Variants in JPH1 observed in about 807,000 individuals in gnomAD.
JPH1 encodes the protein junctophilin 1.
Under a neutral mutation model 53.6 loss-of-function variants are expected in JPH1, and 12 were observed. The observed-to-expected ratio is 0.22, with a 90% CI of 0.14 to 0.36. The LOEUF is 0.36. JPH1 is among the 10% of genes least tolerant of loss of function. The pLI is 1.00. For synonymous variants in JPH1, 375 were observed against 363.8 expected, an observed-to-expected ratio of 1.03 and a Z score of -0.35; for missense variants, 808 against 905.5, an observed-to-expected ratio of 0.89 and a Z score of 1.38.
chr8:74,243,576 G>T (rs944895604), intron 4 of JPH1, among the ~76,000 whole-genome samples: 2 of 152,100 alleles, frequency 1.3e-5, no homozygotes, highest in Non-Finnish European at 2.9e-5. Context: ...ATTCTTGTTG[G>T]CCAAGATATT....
chr8:74,291,173 C>A (rs151211979), intron 2 of JPH1, among the ~76,000 whole-genome samples: 40,759 of 151,944 alleles, frequency 0.27, 5,551 homozygotes, highest in Middle Eastern at 0.31. Context: ...GCAAAAGAAA[C>A]TACCATCAGA....
chr8:74,305,802 C>G (rs962135652), intron 2 of JPH1, among the ~76,000 whole-genome samples: 8 of 152,196 alleles, frequency 5.3e-5, no homozygotes, highest in Admixed American at 4.6e-4. Context: ...CTACACAATT[C>G]AAGTTTTTAA....
chr8:74,250,422 T>C (rs915542041), intron 3 of JPH1, among the ~76,000 whole-genome samples: 1 of 152,316 alleles, frequency 6.6e-6, no homozygotes, highest in South Asian at 2.1e-4. Context: ...CATGAGCCAC[T>C]GTGCCTAGCC....
At chr8:74,300,692 C>A (rs923642973) in intron 2 of JPH1, among the ~76,000 whole-genome samples, 2 of 152,140 alleles carry the variant, frequency 1.3e-5, no homozygotes, top group Non-Finnish European at 2.9e-5. Context: ...TGTTGTCTCA[C>A]TACATTTACT....
At chr8:74,288,258 G>C (rs866873817) in intron 2 of JPH1, among the ~76,000 whole-genome samples, 9 of 152,308 alleles carry the variant, frequency 5.9e-5, no homozygotes, top group Admixed American at 1.3e-4. Context: ...TCCGTGGGTT[G>C]CTAAGCCTCT....
At chr8:74,317,637 G>A (rs1808201290) in intron 1 of JPH1, among the ~76,000 whole-genome samples, 1 of 152,036 alleles carries the variant, frequency 6.6e-6, no homozygotes, top group South Asian at 2.1e-4. Flanking sequence ...ATATTTTGTT[G>A]GTTAAAAGAA....
rs374064270 is a variant in JPH1 at position 74,235,057 on chromosome 8, G to A, written c.*1994C>T. The A allele has an allele frequency of 6.6e-6, 1 of 152,258 alleles. No individual in the cohort carries two copies. Among genetic ancestry groups the A allele is most frequent in the East Asian group, 1.9e-4 (1 of 5,194 alleles). 9.4% of individuals were successfully genotyped at this position (152,258 alleles called of 1,614,324 possible). On this transcript the variant is annotated 3_prime_UTR_variant, in exon 6 of 6. Coordinates refer to ENST00000342232, the MANE Select transcript of JPH1 (RefSeq NM_020647.4). ...GCTCACTTTATAAACATATCCTCTC[G>A]CTATCTGTTACCCATTATTTCCAAA...
intron 2 of JPH1, among the ~76,000 whole-genome samples, chr8:74,299,315 A>G (rs1449650022): frequency 1.3e-5 from 2 of 152,054 alleles, no homozygotes; most frequent in Non-Finnish European, 2.9e-5. Flanking sequence ...TAGGGTGTTA[A>G]GTGTAGCCTA....
intron 1 of JPH1, among the ~76,000 whole-genome samples, chr8:74,316,230 A>G (rs1808153115): frequency 1.3e-5 from 2 of 152,144 alleles, no homozygotes; most frequent in Non-Finnish European, 2.9e-5. Flanking sequence ...ATTTGGGTGA[A>G]CCTTTTTGAG....
In JPH1 at chr8:74,276,572, C is replaced by T. The variant is rs75518829; in HGVS notation, c.1140-17069G>A. ...CAATAATGATAATTACTGTTAACACCGAGTGCTTATTATATGCCAGGTTTA... is the reference window on the plus strand; with the variant it reads ...CAATAATGATAATTACTGTTAACACTGAGTGCTTATTATATGCCAGGTTTA... On this transcript the variant is annotated intron_variant, in intron 2 of 5. Coordinates refer to ENST00000342232, the MANE Select transcript of JPH1 (RefSeq NM_020647.4). Among the ~76,000 whole-genome samples, 946 of 152,224 alleles carry T rather than the reference C, an allele frequency of 6.2e-3. 16 individuals carry two copies. Among genetic ancestry groups the T allele is most frequent in the East Asian group, 0.036 (187 of 5,186 alleles).
At position 74,320,995 on chromosome 8, in the gene JPH1, T is replaced by C; in HGVS notation, c.293A>G (p.Gln98Arg). The change falls in exon 1 of 6, where the codon CAG becomes CGG. Residue 98 changes from glutamine to arginine, a missense_variant. This residue lies in a region of JPH1 where 756 missense variants were observed against 811.9 expected (regional missense o/e 0.93). Coordinates refer to ENST00000342232, the MANE Select transcript of JPH1 (RefSeq NM_020647.4). The surrounding 1 kb of genome is among the most constrained non-coding windows in gnomAD (Gnocchi z 4.4). The part of the protein sequence containing the change: ...HGFKGRYGVR[Q>R]SLCTPARYEG... ...GTAGCGAGCGGGGGTGCACAGGCTC[T>C]GCCGGACCCCGTAGCGCCCCTTGAA... 1 of 1,612,900 alleles carries C rather than the reference T, an allele frequency of 6.2e-7. No individual in the cohort carries two copies. Among genetic ancestry groups the C allele is most frequent in the Non-Finnish European group, 8.5e-7 (1 of 1,179,548 alleles).
Position 74,245,306 on chromosome 8 carries a change from T to A in JPH1, c.1259-131A>T, listed in dbSNP as rs1305210891. ...GGCTTTGACTAAACACATATTTCAT[T>A]CTCTGGGGAAAAGTTTATTTATTAT... On this transcript the variant is annotated intron_variant, in intron 3 of 5. Coordinates refer to ENST00000342232, the MANE Select transcript of JPH1 (RefSeq NM_020647.4). 7.8e-6 allele frequency: 6 copies of A among 767,608 alleles called. No individual in the cohort carries two copies. In the Admixed American group the frequency reaches 2.2e-4, roughly 28 times the overall value. 47.5% of individuals were successfully genotyped at this position (767,608 alleles called of 1,614,324 possible).
At chr8:74,290,225 A>G (rs912273204) in intron 2 of JPH1, among the ~76,000 whole-genome samples, 3 of 152,206 alleles carry the variant, frequency 2.0e-5, no homozygotes, top group Non-Finnish European at 4.4e-5. Context: ...ATGATTGTAT[A>G]TTTAGAAAAC....
At chr8:74,311,538 ATACTTT>A (rs775759560) in intron 2 of JPH1, among the ~76,000 whole-genome samples, 11 of 152,006 alleles carry the variant, frequency 7.2e-5, no homozygotes, top group Non-Finnish European at 1.5e-4. Context: ...TATTATTATT[ATACTTT>A]AAGTTTTAGG....
chr8:74,263,237 G>A (rs1292752853), intron 2 of JPH1, among the ~76,000 whole-genome samples: 1 of 152,120 alleles, frequency 6.6e-6, no homozygotes, highest in Non-Finnish European at 1.5e-5. Context: ...TAAAGGTGAA[G>A]CGCTATTTCT....
chr8:74,277,345 A>C (rs1274764079), intron 2 of JPH1, among the ~76,000 whole-genome samples: 1 of 152,196 alleles, frequency 6.6e-6, no homozygotes, highest in Non-Finnish European at 1.5e-5. Context: ...CGGCTACCTC[A>C]ATCTACAGCA....
At chr8:74,306,261 C>T (rs557624899) in intron 2 of JPH1, among the ~76,000 whole-genome samples, 1 of 152,128 alleles carries the variant, frequency 6.6e-6, no homozygotes. Context: ...AGAGCTGGCA[C>T]CTAGGTCATC....
intron 2 of JPH1, among the ~76,000 whole-genome samples, chr8:74,295,856 A>G (rs752109800): frequency 1.6e-4 from 24 of 152,150 alleles, no homozygotes. Flanking sequence ...GAAAACCTCC[A>G]AAACTGCAAC....
chr8:74,300,025 C>T lies in JPH1; in HGVS notation c.1139+14836G>A, dbSNP rs116461376. 1.4e-3 allele frequency among the ~76,000 whole-genome samples: 219 copies of T among 152,350 alleles called. 1 individual carries two copies. Among genetic ancestry groups the T allele is most frequent in the African/African-American group, 5.0e-3 (208 of 41,582 alleles). ...TTACGGAATTAAACAGTAGTGACTA[C>T]TTACTCTAGAATCACATTTTCATAG... On this transcript the variant is annotated intron_variant, in intron 2 of 5. Transcript: ENST00000342232.
Sources: allele counts gnomAD v4.1 joint callset (sites outside exome capture counted in the v4.1 genomes callset), GRCh38; gene constraint gnomAD v4.1.1; regional missense constraint gnomAD v4.1.1; non-coding constraint Gnocchi (gnomAD v3.1); transcripts MANE v1.5; gene names NCBI Gene and HGNC (gene_info 2026-07-23, HGNC 2026-07-21).